The following USP31 variants were observed in gnomAD, a reference collection of about 807,000 sequenced individuals.
USP31 encodes ubiquitin specific peptidase 31.
In USP31, 44 loss-of-function variants were observed where a neutral mutation model predicts 119.4. The observed-to-expected ratio is 0.37, with a 90% confidence interval of 0.29 to 0.47. The LOEUF (loss-of-function observed/expected upper bound fraction) is 0.47, where lower values mean the gene tolerates loss of function less well. Ranked by LOEUF, USP31 falls within the 20% of genes least tolerant of loss-of-function variation. The probability of loss-of-function intolerance (pLI) is 0.99; values close to 1 mark genes in which losing one functional copy is unlikely to be tolerated. For missense variants in USP31, 1,643 were observed against 1,730.2 expected (o/e 0.95, Z 0.89); for synonymous variants, 749 against 705.6 (o/e 1.06, Z -0.97).
At chr16:23,083,628 G>T (rs1442732431) in intron 11 of USP31, among the ~76,000 whole-genome samples, 1 of 123,072 alleles carries the variant, frequency 8.1e-6, no homozygotes, top group Non-Finnish European at 1.6e-5. Context: ...ACAGGGCAAG[G>T]TGTCATAGAG....
intron 1 of USP31, among the ~76,000 whole-genome samples, chr16:23,119,602 T>C (rs1439158632): frequency 6.6e-6 from 1 of 152,210 alleles, no homozygotes; most frequent in African/African-American, 2.4e-5. Context: ...CCTTGAGGCT[T>C]CAGGGAATTT....
rs779047769 is a variant in USP31 at position 23,069,533 on chromosome 16, C to T, written c.2572G>A (p.Val858Ile). The stretch of plus-strand genomic sequence containing the variant: ...GAAGGTCTCATGCAATTTTCATTGA[C>T]GGCCAAGGGGCTGGTGACAGAAGAT... Reference protein sequence around the residue: ...SRSSVTSPLAVNENCMRPSWS... With the variant: ...SRSSVTSPLAINENCMRPSWS... Residue 858 changes from valine (V) to isoleucine (I), a missense_variant, in exon 16 of 16, where the codon GTC (valine) becomes ATC (isoleucine). By Grantham distance (29) the Val-to-Ile change is conservative. Transcript: ENST00000219689. 2.3e-5 allele frequency: 37 copies of T among 1,614,132 alleles called. No individual in the cohort carries two copies. Among genetic ancestry groups the T allele is most frequent in the South Asian group, 1.2e-4 (11 of 91,072 alleles).
chr16:23,114,361 C>T (rs2141882035), intron 1 of USP31, among the ~76,000 whole-genome samples: 1 of 150,746 alleles, frequency 6.6e-6, no homozygotes, highest in East Asian at 1.9e-4. Flanking sequence ...AATCTCATGG[C>T]ATAGAGTTGG....
chr16:23,117,305 TATAAG>T (rs1209348047), intron 1 of USP31, among the ~76,000 whole-genome samples: 3 of 152,224 alleles, frequency 2.0e-5, no homozygotes, highest in Non-Finnish European at 4.4e-5. Context: ...TCTGCACTGC[TATAAG>T]ATTAGTGTCA....
rs1186460736 is a variant in USP31 at position 23,103,274 on chromosome 16, C to G, written c.1090-811G>C. Among the ~76,000 whole-genome samples, 11 of 152,084 alleles carry G rather than the reference C, an allele frequency of 7.2e-5. No individual in the cohort carries two copies. In the East Asian group the frequency reaches 1.5e-3, roughly 21 times the overall value. On this transcript the variant is annotated intron_variant, in intron 5 of 15. Coordinates refer to ENST00000219689, the MANE Select transcript of USP31 (RefSeq NM_020718.4). ...CCATATCATTTAATTTTCTATTTTT[C>G]AAGCCTAAACCACGGATATTTGTAT...
chr16:23,087,652 T>C, intron 8 of USP31, 72 bp downstream of exon 8: 3 of 1,388,376 alleles, frequency 2.2e-6, no homozygotes, highest in African/African-American at 2.9e-5. Flanking sequence ...GAAACTCAAA[T>C]TTCATTGTAA....
intron 6 of USP31, among the ~76,000 whole-genome samples, chr16:23,093,402 TATAAATGGCC>T (rs1213953316): frequency 1.3e-5 from 2 of 152,152 alleles, no homozygotes; most frequent in Non-Finnish European, 2.9e-5. Flanking sequence ...AAAGAGAATA[TATAAATGGCC>T]AAACAAGCAC....
chr16:23,074,773 C>G (rs1194052051), intron 13 of USP31, among the ~76,000 whole-genome samples: 1 of 151,934 alleles, frequency 6.6e-6, no homozygotes, highest in South Asian at 2.1e-4. Context: ...ATTCAAGTAG[C>G]AGCAAAAACA....
intron 1 of USP31, among the ~76,000 whole-genome samples, chr16:23,145,784 T>C (rs140233522): frequency 7.2e-5 from 11 of 152,338 alleles, no homozygotes; most frequent in African/African-American, 2.4e-4. Context: ...TGTGTGCCAA[T>C]TGCCAATTGC....
At position 23,148,866 on chromosome 16, in the gene USP31, G is replaced by A. The variant is rs1390000532; in HGVS notation, c.405C>T (p.Asn135=). 4.0e-6 allele frequency: 6 copies of A among 1,491,400 alleles called. No homozygotes were observed. The highest frequency in any genetic ancestry group is 4.5e-6 in the Non-Finnish European group (5 of 1,115,952). The allele number at this position is 1,491,400 out of a possible 1,614,324, so 92.4% of individuals were successfully genotyped here. The change falls in exon 1 of 16, where the codon AAC becomes AAT. Residue 135 remains asparagine (N), a synonymous_variant. Coordinates refer to ENST00000219689, the MANE Select transcript of USP31 (RefSeq NM_020718.4). The part of the protein sequence containing the change: ...PGVAGLRNHG[N]TCFMNATLQC... Reference sequence around the variant, plus strand: ...GCAGCGTGGCGTTCATGAAGCACGTGTTGCCGTGGTTGCGGAGCCCCGCCA... The same window carrying A: ...GCAGCGTGGCGTTCATGAAGCACGTATTGCCGTGGTTGCGGAGCCCCGCCA...
intron 1 of USP31, among the ~76,000 whole-genome samples, chr16:23,139,656 T>C (rs1046642325): frequency 3.3e-5 from 5 of 152,152 alleles, no homozygotes; most frequent in Admixed American, 6.5e-5. Flanking sequence ...GCTTCAATTA[T>C]CACCTCTATG....
chr16:23,147,200 C>T (rs917340772), intron 1 of USP31, among the ~76,000 whole-genome samples: 3 of 152,198 alleles, frequency 2.0e-5, no homozygotes, highest in South Asian at 2.1e-4. Context: ...CGTCCGCCTC[C>T]CAGGTTCAAG....
rs143575415 is a variant in USP31 at position 23,124,706 on chromosome 16, T to A, written c.634-16523A>T. Among the ~76,000 whole-genome samples the A allele has an allele frequency of 6.6e-3, 1,008 of 152,172 alleles. 7 individuals are homozygous for A. Among genetic ancestry groups the A allele is most frequent in the South Asian group, 8.7e-3 (42 of 4,816 alleles). ...GAGTTCAAGACCAGCCTAGCCAACATGGTGAAACCCCATCTCTGCTAAAAA... is the reference window on the plus strand; with the variant it reads ...GAGTTCAAGACCAGCCTAGCCAACAAGGTGAAACCCCATCTCTGCTAAAAA... On this transcript the variant is annotated intron_variant, in intron 1 of 15. Transcript: ENST00000219689.
At chr16:23,089,063 T>A (rs1901237166) in intron 7 of USP31, among the ~76,000 whole-genome samples, 1 of 152,208 alleles carries the variant, frequency 6.6e-6, no homozygotes, top group South Asian at 2.1e-4. Context: ...CATATTTTTT[T>A]AAAATAATGA....
At chr16:23,105,655 C>T (rs573184215) in intron 4 of USP31, 79 bp from the exon 5 acceptor site, 38 of 1,378,432 alleles carry the variant, frequency 2.8e-5, no homozygotes, top group Admixed American at 8.5e-5. Flanking sequence ...AAACCTGAGA[C>T]GAAATCAACA....
At chr16:23,098,540 C>G (rs961408241) in intron 6 of USP31, among the ~76,000 whole-genome samples, 11 of 152,124 alleles carry the variant, frequency 7.2e-5, no homozygotes, top group African/African-American at 2.7e-4. Flanking sequence ...AAGAACAAAG[C>G]TGGAGGCATC....
chr16:23,144,146 T>C (rs1903438706), intron 1 of USP31, among the ~76,000 whole-genome samples: 1 of 152,130 alleles, frequency 6.6e-6, no homozygotes, highest in South Asian at 2.1e-4. Flanking sequence ...TCAATGTGGT[T>C]AAAAAGGAAG....
chr16:23,073,221 C>A lies in USP31; in HGVS notation c.2335+501G>T, dbSNP rs547680225. Among the ~76,000 whole-genome samples the A allele has an allele frequency of 8.5e-5, 13 of 152,302 alleles. No individual in the cohort carries two copies. The South Asian group carries it at 2.5e-3, about 29-fold the overall frequency. On this transcript the variant is annotated intron_variant, in intron 14 of 15. Transcript: ENST00000219689. ...TCACAGCCATCAATCCTTCTCCTAA[C>A]AGAATAGTCCAATCTTCTCACTGGA...
chr16:23,114,162 A>G (rs1320831015), intron 1 of USP31, among the ~76,000 whole-genome samples: 1 of 152,148 alleles, frequency 6.6e-6, no homozygotes, highest in Non-Finnish European at 1.5e-5. Context: ...GATTTAAAAG[A>G]GGCTGCAGAG....
Sources: gnomAD v4.1 joint callset for allele counts (sites outside exome capture counted in the v4.1 genomes callset) on GRCh38, gnomAD v4.1.1 for gene constraint, MANE v1.5 for transcripts, NCBI Gene and HGNC (gene_info 2026-07-23, HGNC 2026-07-21) for gene names.